The following FYB2 variants were observed in gnomAD, a reference collection of about 807,000 sequenced individuals.
FYB2 encodes FYN binding protein 2.
A neutral mutation model predicts 94.1 loss-of-function variants in FYB2; 103 were observed. The ratio of observed to expected loss-of-function variants is 1.09; its 90% CI spans 0.93 to 1.29. The LOEUF (loss-of-function observed/expected upper bound fraction) is 1.29, where lower values mean the gene tolerates loss of function less well. Ranked by LOEUF, FYB2 falls within the 50% of genes most tolerant of loss-of-function variation. The pLI is 0.00. For missense variants in FYB2, 896 were observed against 841.5 expected (o/e 1.06, Z -0.80); for synonymous variants, 293 against 287.9 (o/e 1.02, Z -0.18).
intron 17 of FYB2, chr1:56,720,736 A>C (rs1224247042): frequency 6.4e-6 from 1 of 156,638 alleles, no homozygotes; most frequent in South Asian, 2.0e-4. Context: ...CCCAGCATGC[A>C]TTAGCCATCC....
chr1:56,728,290 G>T (rs12735852), intron 15 of FYB2, among the ~76,000 whole-genome samples: 22,250 of 151,994 alleles, frequency 0.15, 2,647 homozygotes, highest in African/African-American at 0.32. Context: ...TTGGCACAAA[G>T]ATTTTTGATC....
At chr1:56,820,557 G>A (rs1206023654), upstream of FYB2, among the ~76,000 whole-genome samples, 1 of 152,206 alleles carries the variant, frequency 6.6e-6, no homozygotes. Context: ...GTCCTGACCA[G>A]GGAGAGGCGG....
chr1:56,803,187 G>C (rs1646561046), intron 1 of FYB2, among the ~76,000 whole-genome samples: 1 of 152,176 alleles, frequency 6.6e-6, no homozygotes, highest in Non-Finnish European at 1.5e-5. Context: ...AGTGTGGTCT[G>C]AGACAGCATG....
upstream of FYB2, among the ~76,000 whole-genome samples, chr1:56,822,609 C>T (rs1646998870): frequency 6.6e-6 from 1 of 152,114 alleles, no homozygotes; most frequent in African/African-American, 2.4e-5. Flanking sequence ...CTTAATGTTT[C>T]CAAACCTTAC....
intron 9 of FYB2, among the ~76,000 whole-genome samples, chr1:56,749,894 C>T (rs924790715): frequency 5.3e-5 from 8 of 152,018 alleles, no homozygotes; most frequent in African/African-American, 1.4e-4. Context: ...CTTTATAAAT[C>T]AGTTCTGTGG....
At chr1:56,781,760 ATTAC>A (rs1646014298) in intron 4 of FYB2, among the ~76,000 whole-genome samples, 1 of 152,286 alleles carries the variant, frequency 6.6e-6, no homozygotes, top group South Asian at 2.1e-4. Flanking sequence ...CAAAATCCAA[ATTAC>A]TTCCACAGCT....
At chr1:56,778,077 C>T (rs1195037905) in intron 4 of FYB2, among the ~76,000 whole-genome samples, 1 of 152,176 alleles carries the variant, frequency 6.6e-6, no homozygotes, top group Non-Finnish European at 1.5e-5. Flanking sequence ...ATCACACTGG[C>T]CTCCTGTCTA....
chr1:56,777,977 A>G (rs1250801154), intron 4 of FYB2, among the ~76,000 whole-genome samples: 4 of 152,128 alleles, frequency 2.6e-5, no homozygotes, highest in Non-Finnish European at 5.9e-5. Flanking sequence ...TAAAAAAAGA[A>G]CCACTAAGCT....
At chr1:56,805,240 T>G (rs1646617084) in intron 1 of FYB2, among the ~76,000 whole-genome samples, 1 of 152,218 alleles carries the variant, frequency 6.6e-6, no homozygotes, top group African/African-American at 2.4e-5. Context: ...TTTTCACTTG[T>G]GCTTCTGTCA....
chr1:56,820,799 T>G (rs1193655357), upstream of FYB2, among the ~76,000 whole-genome samples: 1 of 152,262 alleles, frequency 6.6e-6, no homozygotes, highest in Non-Finnish European at 1.5e-5. Context: ...CACAGTAAGA[T>G]GTACCTTTTA....
chr1:56,808,236 A>C (rs983174814), intron 1 of FYB2, among the ~76,000 whole-genome samples: 2 of 152,176 alleles, frequency 1.3e-5, no homozygotes, highest in African/African-American at 4.8e-5. Context: ...TACTTGACTA[A>C]GACCAAAGAG....
In FYB2 at chr1:56,721,094, A is replaced by G. The variant is rs531283187; in HGVS notation, c.1975-765T>C. On this transcript the variant is annotated intron_variant, in intron 17 of 19. Transcript: ENST00000343433. ...ATTCCCAGTCTCCTTTTGTATTCAC[A>G]GGCAGGCAGGCATTTTGTTAGAAAC... is the stretch of plus-strand genomic sequence containing the variant. Among the ~76,000 whole-genome samples, 3 of 152,198 alleles carry G rather than the reference A, an allele frequency of 2.0e-5. No homozygotes were observed. In the East Asian group the frequency reaches 5.8e-4, roughly 29 times the overall value.
At chr1:56,778,350 AT>A (rs138383486) in intron 4 of FYB2, among the ~76,000 whole-genome samples, 1 of 152,192 alleles carries the variant, frequency 6.6e-6, no homozygotes, top group African/African-American at 2.4e-5. Context: ...AACTAGTTTA[AT>A]TTTCTCTCTC....
intron 2 of FYB2, among the ~76,000 whole-genome samples, chr1:56,790,041 A>T (rs1646225211): frequency 6.6e-6 from 1 of 152,150 alleles, no homozygotes; most frequent in South Asian, 2.1e-4. Flanking sequence ...TCCAACTCCA[A>T]CAGAAAGTCC....
intron 1 of FYB2, among the ~76,000 whole-genome samples, chr1:56,801,731 A>G (rs1646525119): frequency 6.6e-6 from 1 of 152,068 alleles, no homozygotes; most frequent in South Asian, 2.1e-4. Flanking sequence ...TTTCTCTACT[A>G]TCCGGTCCCA....
At chr1:56,751,250 A>G in intron 8 of FYB2, 47 bp from the exon 9 acceptor site, 2 of 1,566,134 alleles carry the variant, frequency 1.3e-6, no homozygotes, top group Non-Finnish European at 1.7e-6. Context: ...TGACTTACCT[A>G]ATCAGTTCTT....
intron 1 of FYB2, among the ~76,000 whole-genome samples, chr1:56,796,771 C>A (rs1646409866): frequency 6.6e-6 from 1 of 152,152 alleles, no homozygotes; most frequent in Admixed American, 6.5e-5. Context: ...ACCTGTTTTG[C>A]CCTTTCATGT....
At chr1:56,782,450 A>G (rs1646031081) in intron 4 of FYB2, among the ~76,000 whole-genome samples, 1 of 152,092 alleles carries the variant, frequency 6.6e-6, no homozygotes, top group Non-Finnish European at 1.5e-5. Flanking sequence ...TCACTTCCAC[A>G]GGATCAGCCA....
At chr1:56,777,557 T>C (rs920490209) in intron 4 of FYB2, among the ~76,000 whole-genome samples, 2 of 152,148 alleles carry the variant, frequency 1.3e-5, no homozygotes, top group Admixed American at 6.6e-5. Flanking sequence ...ATCACAAAAA[T>C]AGACTGGATA....
Sources: gnomAD v4.1 joint callset for allele counts (sites outside exome capture counted in the v4.1 genomes callset) on GRCh38, gnomAD v4.1.1 for gene constraint, MANE v1.5 for transcripts, NCBI Gene and HGNC (gene_info 2026-07-23, HGNC 2026-07-21) for gene names.